Variants in TUBB8B observed in about 807,000 individuals in gnomAD.
The protein encoded by TUBB8B is tubulin beta 8B.
TUBB8B carries 26 observed loss-of-function variants against 31.9 expected under a neutral mutation model. The observed-to-expected ratio is 0.81, with a 90% CI of 0.60 to 1.13. TUBB8B has a LOEUF of 1.13. Among genes scored for constraint, TUBB8B ranks in the 50% most tolerant of loss-of-function variants. The pLI is 0.00. For synonymous variants in TUBB8B, 173 were observed against 231.0 expected (o/e 0.75, Z 2.28); for missense variants, 467 against 586.7 (o/e 0.80, Z 2.11).
At chr18:57,354 C>G in the TUBB8B span, among the ~76,000 whole-genome samples, 2 of 151,694 alleles carry the variant, frequency 1.3e-5, no homozygotes, top group Non-Finnish European at 2.9e-5. Flanking sequence ...TACTCCTATT[C>G]TAAAAGGAAT....
the TUBB8B span, among the ~76,000 whole-genome samples, chr18:63,282 T>C: frequency 4.0e-5 from 6 of 151,790 alleles, no homozygotes; most frequent in African/African-American, 7.3e-5. Flanking sequence ...TTTGGGAACA[T>C]TTTCCAGGTG....
chr18:59,361 A>T, the TUBB8B span, among the ~76,000 whole-genome samples: 2 of 151,600 alleles, frequency 1.3e-5, no homozygotes, highest in Non-Finnish European at 2.9e-5. Flanking sequence ...TTTTAGAGGA[A>T]AGGCTTTTAG....
the TUBB8B span, among the ~76,000 whole-genome samples, chr18:57,928 G>A: frequency 6.6e-6 from 1 of 151,922 alleles, no homozygotes; most frequent in Non-Finnish European, 1.5e-5. Flanking sequence ...CTCTGAAGCA[G>A]TGACTGGAGT....
chr18:61,291 C>A, the TUBB8B span, among the ~76,000 whole-genome samples: 2 of 151,434 alleles, frequency 1.3e-5, no homozygotes, highest in Admixed American at 6.6e-5. Context: ...TGGTTTCTAT[C>A]GGCATGGAAT....
chr18:66,001 G>A, the TUBB8B span, among the ~76,000 whole-genome samples: 1 of 152,118 alleles, frequency 6.6e-6, no homozygotes, highest in Non-Finnish European at 1.5e-5. Context: ...TGCTGAGGTG[G>A]GAAGATCTTT....
the TUBB8B span, among the ~76,000 whole-genome samples, chr18:71,181 C>G: frequency 2.8e-5 from 4 of 144,274 alleles, no homozygotes; most frequent in African/African-American, 1.1e-4. Context: ...CAGTGAGCCA[C>G]GATCACACCA....
At chr18:72,843 T>G in the TUBB8B span, among the ~76,000 whole-genome samples, 1,185 of 152,158 alleles carry the variant, frequency 7.8e-3, 18 homozygotes, top group African/African-American at 0.027. Context: ...GGTGCATGCC[T>G]GTAATCCCAG....
At chr18:69,801 G>T in the TUBB8B span, among the ~76,000 whole-genome samples, 1 of 152,220 alleles carries the variant, frequency 6.6e-6, no homozygotes, top group Non-Finnish European at 1.5e-5. Context: ...ACAAATAGCA[G>T]AAACACATAG....
the TUBB8B span, among the ~76,000 whole-genome samples, chr18:68,883 G>A: frequency 9.9e-5 from 15 of 152,084 alleles, no homozygotes; most frequent in African/African-American, 2.9e-4. Flanking sequence ...TGGGTGTCTC[G>A]AGTATTTAAT....
rs781593576 is a variant in TUBB8B at position 48,101 on chromosome 18, A to T, written c.624T>A (p.Tyr208Ter). ...GTTTTAGGGTCCTGGAACATATGTC[A>T]TATAGCGCTTCGTTATCTATGCAGA... is the stretch of plus-strand genomic sequence containing the variant. ...ETFCIDNEAL[Y>*]DICSRTLKLP... The change falls in exon 4 of 4, where the codon TAT (tyrosine) becomes TAA (stop). Residue 208 changes from tyrosine to a stop codon, truncating the protein, a stop_gained. Coordinates refer to ENST00000308911, the MANE Select transcript of TUBB8B (RefSeq NM_001358689.2). LOFTEE classifies it high-confidence loss of function. The T allele has an allele frequency of 6.6e-5, 106 of 1,613,886 alleles. No individual in the cohort carries two copies. The highest frequency in any genetic ancestry group is 8.6e-5 in the Non-Finnish European group (101 of 1,179,948).
In TUBB8B at chr18:47,942, G is replaced by T; in HGVS notation, c.783C>A (p.Pro261=). ...AGCCGGGCATGAAGAAATGCAGCCG[G>T]GGAAACGGGACCATGTTCACGGCCA... ...RKLAVNMVPF[P]RLHFFMPGFA... Residue 261 remains proline (P), a synonymous_variant, in exon 4 of 4, where the codon CCC becomes CCA. Transcript: ENST00000308911. 6.2e-7 allele frequency: 1 copy of T among 1,611,662 alleles called. No homozygotes were observed. Among genetic ancestry groups the T allele is most frequent in the Non-Finnish European group, 8.5e-7 (1 of 1,179,926 alleles).
chr18:57,353 T>G, the TUBB8B span, among the ~76,000 whole-genome samples: 1 of 151,648 alleles, frequency 6.6e-6, no homozygotes, highest in African/African-American at 2.4e-5. Context: ...ATACTCCTAT[T>G]CTAAAAGGAA....
chr18:72,962 T>C, the TUBB8B span, among the ~76,000 whole-genome samples: 16 of 152,036 alleles, frequency 1.1e-4, no homozygotes, highest in Admixed American at 2.6e-4. Context: ...CGAAAGTCCG[T>C]CTCGAAAGAA....
At chr18:52,301 G>A (rs4078814), upstream of TUBB8B, among the ~76,000 whole-genome samples, 27,910 of 126,394 alleles carry the variant, frequency 0.22, 1,809 homozygotes, top group African/African-American at 0.35. Context: ...GGAGGCGGTG[G>A]GCAGAAAGGC....
At position 49,476 on chromosome 18, in the gene TUBB8B, G is replaced by A. The variant is rs1905961062; in HGVS notation, c.57+25C>T. ...CCAGCCACCCGGCAGGCCCGGGCTG[G>A]GCCCTCAGAGCCCTGGCTGCCAACC... On this transcript the variant is annotated intron_variant, in intron 1 of 3. Coordinates refer to ENST00000308911, the MANE Select transcript of TUBB8B (RefSeq NM_001358689.2). The A allele has an allele frequency of 4.1e-6, 4 of 986,572 alleles. No individual in the cohort carries two copies. The East Asian group carries it at 8.1e-5, about 20-fold the overall frequency. The allele number at this position is 986,572 out of a possible 1,614,324, so 61.1% of individuals were successfully genotyped here.
chr18:69,982 C>T, the TUBB8B span, among the ~76,000 whole-genome samples: 2 of 151,936 alleles, frequency 1.3e-5, no homozygotes, highest in Admixed American at 6.6e-5. Context: ...CATGGCGAAA[C>T]CCAGGCTCTA....
At chr18:50,588 C>T (rs1215509662), upstream of TUBB8B, 1 of 152,170 alleles carries the variant, frequency 6.6e-6, no homozygotes, top group Non-Finnish European at 1.5e-5. Context: ...CAAAGAATCC[C>T]TTCTAGGGTG....
At chr18:69,992 A>G in the TUBB8B span, among the ~76,000 whole-genome samples, 1 of 152,126 alleles carries the variant, frequency 6.6e-6, no homozygotes, top group South Asian at 2.1e-4. Flanking sequence ...CCCAGGCTCT[A>G]CTAAAAATAC....
At chr18:53,010 C>T (rs543627340), upstream of TUBB8B, among the ~76,000 whole-genome samples, 1 of 151,866 alleles carries the variant, frequency 6.6e-6, no homozygotes, top group South Asian at 2.1e-4. Flanking sequence ...AGAAAAAATG[C>T]TGCACTCCTA....
Sources: gnomAD v4.1 joint callset for allele counts (sites outside exome capture counted in the v4.1 genomes callset) on GRCh38, gnomAD v4.1.1 for gene constraint, MANE v1.5 for transcripts, NCBI Gene and HGNC (gene_info 2026-07-23, HGNC 2026-07-21) for gene names.